The following ATXN3 variants were observed in gnomAD, a reference collection of about 807,000 sequenced individuals.
ATXN3 encodes ataxin 3, also known as ataxin-3.
Under a neutral mutation model 58.2 loss-of-function variants are expected in ATXN3, and 28 were observed. The observed-to-expected ratio is 0.48, with a 90% CI of 0.36 to 0.66. The LOEUF (loss-of-function observed/expected upper bound fraction) is 0.66. Among genes scored for constraint, ATXN3 ranks in the 30% least tolerant of loss-of-function variants. The probability of loss-of-function intolerance (pLI) is 0.00; values close to 1 mark genes in which losing one functional copy is unlikely to be tolerated. For synonymous variants in ATXN3, 113 were observed against 138.5 expected, an observed-to-expected ratio of 0.82 and a Z score of 1.29; for missense variants, 321 against 422.1, an observed-to-expected ratio of 0.76 and a Z score of 2.10.
intron 9 of ATXN3, among the ~76,000 whole-genome samples, chr14:92,071,413 C>T (rs1234046808): frequency 6.6e-5 from 10 of 151,756 alleles, no homozygotes; most frequent in East Asian, 3.9e-4. Context: ...CTGGACAACA[C>T]GGTGAAACCC....
At chr14:92,073,118 G>A (rs1281344475) in intron 9 of ATXN3, among the ~76,000 whole-genome samples, 1 of 152,224 alleles carries the variant, frequency 6.6e-6, no homozygotes, top group East Asian at 1.9e-4. Flanking sequence ...CTCCACTCAA[G>A]AAGGTATGTG....
intron 6 of ATXN3, 156 bp from the exon 7 acceptor site, chr14:92,083,414 T>A: frequency 1.2e-6 from 1 of 808,978 alleles, no homozygotes; most frequent in Non-Finnish European, 2.0e-6. Context: ...TTCTTATACT[T>A]ACTAGTAAAG....
At chr14:92,046,373 G>T (rs1235749814) in intron 2 of ATXN3, 2 of 152,326 alleles carry the variant, frequency 1.3e-5, no homozygotes, top group East Asian at 3.8e-4. Flanking sequence ...TGGGGAAATG[G>T]AGTGAATGCC....
At chr14:92,081,535 C>T (rs2061489498) in intron 8 of ATXN3, among the ~76,000 whole-genome samples, 1 of 149,188 alleles carries the variant, frequency 6.7e-6, no homozygotes, top group Non-Finnish European at 1.5e-5. Context: ...TCTGTCCCTG[C>T]TAATCCAGCA....
intron 9 of ATXN3, among the ~76,000 whole-genome samples, chr14:92,076,667 C>T (rs368518223): frequency 4.6e-5 from 7 of 151,006 alleles, no homozygotes; most frequent in African/African-American, 9.7e-5. Context: ...TGGCTGGGCG[C>T]GGTGGTGCAC....
At position 92,090,946 on chromosome 14, in the gene ATXN3, CTT is replaced by C. The variant is rs34338098; in HGVS notation, c.388-2131_388-2130del. ...ATCAGCCTCTACTGCTGTAAGCTGC[CTT>C]TTTTTTTTTTTTTTTTTGTAGAGAC... On this transcript the variant is annotated intron_variant, in intron 5 of 10. Transcript: ENST00000644486. Among the ~76,000 whole-genome samples the C allele has an allele frequency of 7.5e-4, 87 of 116,448 alleles. No individual in the cohort carries two copies. The East Asian group carries it at 9.8e-3, about 13-fold the overall frequency. The allele number at this position is 116,448 out of a possible 152,430, so 76.4% of individuals were successfully genotyped here. A position where few individuals can be genotyped will look rare whatever the true frequency, so the allele number is the denominator to read the frequency against.
chr14:92,082,894 C>A (rs1239472849), intron 7 of ATXN3, among the ~76,000 whole-genome samples: 1 of 152,046 alleles, frequency 6.6e-6, no homozygotes, highest in African/African-American at 2.4e-5. Flanking sequence ...AAGCAATCAG[C>A]CTGCCTCAGC....
intron 9 of ATXN3, 32 bp downstream of exon 9, chr14:92,080,932 AC>A: frequency 6.7e-7 from 1 of 1,482,956 alleles, no homozygotes; most frequent in Non-Finnish European, 9.4e-7. Flanking sequence ...CAAATATTAA[AC>A]ATGCTACTTT....
intron 6 of ATXN3, among the ~76,000 whole-genome samples, chr14:92,088,272 G>A (rs1031904532): frequency 2.6e-5 from 4 of 151,960 alleles, no homozygotes; most frequent in Admixed American, 6.5e-5. Flanking sequence ...GGATTTCACC[G>A]TGTTAGCCAG....
chr14:92,048,745 G>C (rs756762505), intron 1 of ATXN3, among the ~76,000 whole-genome samples: 2 of 152,104 alleles, frequency 1.3e-5, no homozygotes, highest in Non-Finnish European at 2.9e-5. Context: ...ATTATAGGGT[G>C]GGGGACCGGA....
rs1020917607 is a variant in ATXN3, at chr14:92,063,788, C to T, written c.*532G>A. The T allele has an allele frequency of 5.3e-5, 8 of 152,104 alleles. No homozygotes were observed. The highest frequency in any genetic ancestry group is 1.7e-4 in the African/African-American group (7 of 41,432). The allele number at this position is 152,104 out of a possible 1,614,324, so 9.4% of individuals were successfully genotyped here. ...GATCAGAGAAAACAACACAAGAAAA[C>T]ACTGGAGCACACGGTATACAGTTGA... is the stretch of plus-strand genomic sequence containing the variant. On this transcript the variant is annotated 3_prime_UTR_variant, in exon 11 of 11. Transcript: ENST00000644486.
intron 3 of ATXN3, 44 bp from the exon 4 acceptor site, chr14:92,093,875 T>C: frequency 1.6e-6 from 2 of 1,215,516 alleles, no homozygotes; most frequent in Non-Finnish European, 2.4e-6. Flanking sequence ...AACCACTCCA[T>C]TCCAAATTTA....
downstream of ATXN3, among the ~76,000 whole-genome samples, chr14:92,054,386 G>T (rs2057458379): frequency 6.6e-6 from 1 of 152,208 alleles, no homozygotes; most frequent in Non-Finnish European, 1.5e-5. Flanking sequence ...ACAGGTTGCA[G>T]TAAAGGAGCT....
At chr14:92,097,201 G>A (rs1051951345) in intron 1 of ATXN3, among the ~76,000 whole-genome samples, 1 of 148,820 alleles carries the variant, frequency 6.7e-6, no homozygotes, top group Admixed American at 6.7e-5. Context: ...GAGCCACTGC[G>A]CCCGGCTCCC....
chr14:92,053,970 C>G (rs1256624844), downstream of ATXN3, among the ~76,000 whole-genome samples: 1 of 151,896 alleles, frequency 6.6e-6, no homozygotes, highest in East Asian at 1.9e-4. Context: ...GAGTCTTGCT[C>G]TGTCATCCAG....
rs142986250 is a variant in ATXN3, at chr14:92,062,868, T to C, written c.*1452A>G. 27 of 152,766 alleles carry C rather than the reference T, an allele frequency of 1.8e-4. No individual in the cohort carries two copies. The highest frequency in any genetic ancestry group is 5.8e-4 in the African/African-American group (24 of 41,582). 9.5% of individuals were successfully genotyped at this position (152,766 alleles called of 1,614,324 possible). On this transcript the variant is annotated 3_prime_UTR_variant, in exon 11 of 11. Coordinates refer to ENST00000644486, the MANE Select transcript of ATXN3 (RefSeq NM_004993.6). ...GCAGCCACACACCAGGAGGGCAATA[T>C]ACCATATTATAATTTTCGAAGTTGT...
Position 92,060,381 on chromosome 14 carries a change from C to G in ATXN3, c.*3939G>C, listed in dbSNP as rs1399475437. The G allele has an allele frequency of 1.3e-5, 2 of 151,148 alleles. No homozygotes were observed. The highest frequency in any genetic ancestry group is 3.9e-4 in the East Asian group (2 of 5,156). 9.4% of individuals were successfully genotyped at this position (151,148 alleles called of 1,614,324 possible). A position where few individuals can be genotyped will look rare whatever the true frequency, so the allele number is the denominator to read the frequency against. Reference sequence around the variant, plus strand: ...CCTAGGCTCATGCGATTCTTAGCCTCCTGAGTAGCTGGGATTACAAGTGTG... The same window carrying G: ...CCTAGGCTCATGCGATTCTTAGCCTGCTGAGTAGCTGGGATTACAAGTGTG... On this transcript the variant is annotated 3_prime_UTR_variant, in exon 11 of 11. Coordinates refer to ENST00000644486, the MANE Select transcript of ATXN3 (RefSeq NM_004993.6).
chr14:92,051,718 CT>C (rs1160650510), upstream of ATXN3, among the ~76,000 whole-genome samples: 45 of 35,696 alleles, frequency 1.3e-3, no homozygotes, highest in African/African-American at 4.5e-3. Flanking sequence ...CTTTTCCTTT[CT>C]TTTTTTTTTT....
intron 6 of ATXN3, chr14:92,083,535 C>T: frequency 1.8e-6 from 1 of 546,484 alleles, no homozygotes; most frequent in Non-Finnish European, 3.5e-6. Flanking sequence ...GTAAAGGGCC[C>T]TACTAATATA....
Sources: gnomAD v4.1 joint callset for allele counts (sites outside exome capture counted in the v4.1 genomes callset) on GRCh38, gnomAD v4.1.1 for gene constraint, MANE v1.5 for transcripts, NCBI Gene and HGNC (gene_info 2026-07-23, HGNC 2026-07-21) for gene names.